The following SCFD2 variants were observed in gnomAD, a reference collection of about 807,000 sequenced individuals.
SCFD2 encodes sec1 family domain-containing protein 2.
SCFD2 carries 54 observed loss-of-function variants against 58.9 expected under a neutral mutation model. The observed-to-expected ratio is 0.92, with a 90% CI of 0.74 to 1.15. The LOEUF is 1.15. Among genes scored for constraint, SCFD2 ranks in the 50% most tolerant of loss-of-function variants. The pLI is 0.00. For synonymous variants in SCFD2, 321 were observed against 335.9 expected (o/e 0.96, Z 0.49); for missense variants, 805 against 836.6 (o/e 0.96, Z 0.47).
chr4:53,208,754 A>T (rs1214730674), intron 4 of SCFD2, among the ~76,000 whole-genome samples: 2 of 152,212 alleles, frequency 1.3e-5, no homozygotes, highest in Non-Finnish European at 2.9e-5. Context: ...TATAAGTTAA[A>T]TATCTTGTTA....
At chr4:53,257,320 C>A (rs1730675795) in intron 4 of SCFD2, among the ~76,000 whole-genome samples, 1 of 152,102 alleles carries the variant, frequency 6.6e-6, no homozygotes, top group African/African-American at 2.4e-5. Context: ...ATAGTCAGTT[C>A]AATGTGAAGA....
intron 4 of SCFD2, among the ~76,000 whole-genome samples, chr4:53,236,945 T>C (rs71597825): frequency 0.25 from 38,006 of 151,338 alleles, 5,230 homozygotes; most frequent in Non-Finnish European, 0.32. Context: ...GCTAAACAAG[T>C]GAACAAAGGT....
intron 5 of SCFD2, among the ~76,000 whole-genome samples, chr4:53,014,523 C>T (rs1577660421): frequency 2.0e-5 from 3 of 152,238 alleles, no homozygotes; most frequent in Admixed American, 6.5e-5. Flanking sequence ...GTGATTCACT[C>T]ACCTTGAGAA....
chr4:53,077,228 T>C lies in SCFD2; in HGVS notation c.1561+68105A>G, dbSNP rs536767311. The stretch of plus-strand genomic sequence containing the variant: ...TTTGATCAGCGCATTCAAAACTTTA[T>C]TAATAGAATTCCTTTAAGTGCTTGT... On this transcript the variant is annotated intron_variant, in intron 5 of 8. Coordinates refer to ENST00000401642, the MANE Select transcript of SCFD2 (RefSeq NM_152540.4). Among the ~76,000 whole-genome samples the C allele has an allele frequency of 1.4e-3, 220 of 152,316 alleles. 1 individual carries two copies. The highest frequency in any genetic ancestry group is 2.9e-3 in the Non-Finnish European group (195 of 68,032).
intron 5 of SCFD2, among the ~76,000 whole-genome samples, chr4:52,947,343 T>G (rs1720457311): frequency 6.6e-6 from 1 of 152,172 alleles, no homozygotes. Context: ...AAACTCAGGT[T>G]CCATCAGGCA....
At chr4:53,241,692 C>A (rs1729898776) in intron 4 of SCFD2, among the ~76,000 whole-genome samples, 1 of 152,206 alleles carries the variant, frequency 6.6e-6, no homozygotes, top group South Asian at 2.1e-4. Flanking sequence ...CCGTCCCATG[C>A]CAGCATGTAT....
chr4:53,139,889 T>C (rs563708820), intron 5 of SCFD2, among the ~76,000 whole-genome samples: 7 of 152,336 alleles, frequency 4.6e-5, no homozygotes, highest in Admixed American at 2.0e-4. Flanking sequence ...TGGGATGCTG[T>C]TAATCTATAA....
intron 4 of SCFD2, among the ~76,000 whole-genome samples, chr4:53,190,524 T>C (rs1451666250): frequency 6.6e-6 from 1 of 152,220 alleles, no homozygotes; most frequent in Non-Finnish European, 1.5e-5. Flanking sequence ...GACCCTCCTT[T>C]TTACAATTGC....
chr4:53,273,093 C>T (rs1382454176), intron 4 of SCFD2, among the ~76,000 whole-genome samples: 1 of 151,916 alleles, frequency 6.6e-6, no homozygotes, highest in Non-Finnish European at 1.5e-5. Context: ...AACTTTATCT[C>T]TAGTTTTATT....
intron 4 of SCFD2, among the ~76,000 whole-genome samples, chr4:53,149,408 A>G (rs889763699): frequency 1.3e-5 from 2 of 152,238 alleles, no homozygotes; most frequent in Non-Finnish European, 2.9e-5. Context: ...ATAAAGTAGT[A>G]TTTGATTTTA....
intron 5 of SCFD2, among the ~76,000 whole-genome samples, chr4:53,059,844 T>C (rs566772829): frequency 1.3e-5 from 2 of 152,264 alleles, no homozygotes; most frequent in African/African-American, 4.8e-5. Context: ...AGCAATATAA[T>C]ATACATTACA....
At chr4:53,169,665 G>A (rs1363637903) in intron 4 of SCFD2, among the ~76,000 whole-genome samples, 1 of 152,190 alleles carries the variant, frequency 6.6e-6, no homozygotes, top group African/African-American at 2.4e-5. Context: ...CATCAACAGT[G>A]CGTACAGATT....
intron 5 of SCFD2, among the ~76,000 whole-genome samples, chr4:53,014,834 T>G (rs1722173003): frequency 6.6e-6 from 1 of 152,226 alleles, no homozygotes; most frequent in Admixed American, 6.5e-5. Flanking sequence ...AACAGTGTCC[T>G]ACATAGCTTG....
At chr4:53,098,096 T>C (rs533136700) in intron 5 of SCFD2, among the ~76,000 whole-genome samples, 89 of 152,344 alleles carry the variant, frequency 5.8e-4, no homozygotes, top group African/African-American at 1.7e-3. Flanking sequence ...AGCTTTTTGA[T>C]GTGCTGCTGG....
intron 5 of SCFD2, among the ~76,000 whole-genome samples, chr4:53,011,258 T>C (rs903371724): frequency 9.2e-5 from 14 of 152,266 alleles, no homozygotes; most frequent in African/African-American, 3.1e-4. Context: ...TTTGCTTTTT[T>C]TTCCCCCCCA....
intron 4 of SCFD2, among the ~76,000 whole-genome samples, chr4:53,269,295 A>G (rs1731087921): frequency 6.6e-6 from 1 of 152,216 alleles, no homozygotes; most frequent in Non-Finnish European, 1.5e-5. Context: ...ACTGCACTCA[A>G]TCTGGGTGAT....
At chr4:52,974,705 T>TA (rs1721204580) in intron 5 of SCFD2, among the ~76,000 whole-genome samples, 1 of 151,788 alleles carries the variant, frequency 6.6e-6, no homozygotes, top group East Asian at 1.9e-4. Context: ...AGAGCCTGCA[T>TA]TGCCAAGTCA....
At chr4:53,299,509 T>C (rs1239387156) in intron 3 of SCFD2, among the ~76,000 whole-genome samples, 2 of 152,184 alleles carry the variant, frequency 1.3e-5, no homozygotes, top group Non-Finnish European at 2.9e-5. Flanking sequence ...TGGAACCAAG[T>C]TGGAAAACAC....
intron 5 of SCFD2, among the ~76,000 whole-genome samples, chr4:53,066,709 T>C (rs1458133254): frequency 2.0e-5 from 3 of 152,028 alleles, no homozygotes; most frequent in Non-Finnish European, 1.5e-5. Context: ...CCTTTCACTT[T>C]CCCTGCCTAT....
Sources: gnomAD v4.1 joint callset for allele counts (sites outside exome capture counted in the v4.1 genomes callset) on GRCh38, gnomAD v4.1.1 for gene constraint, MANE v1.5 for transcripts, NCBI Gene and HGNC (gene_info 2026-07-23, HGNC 2026-07-21) for gene names.